KCTD18: variants seen among roughly 807,000 people sequenced by gnomAD.
The protein encoded by KCTD18 is BTB/POZ domain-containing protein KCTD18.
In KCTD18, 22 loss-of-function variants were observed where a neutral mutation model predicts 30.4. The observed-to-expected ratio is 0.72, with a 90% CI of 0.52 to 1.03. The LOEUF (loss-of-function observed/expected upper bound fraction) is 1.03. Ranked by LOEUF, KCTD18 falls within the 50% of genes least tolerant of loss-of-function variation. The pLI is 0.00. For missense variants in KCTD18, 529 were observed against 547.6 expected (o/e 0.97, Z 0.34); for synonymous variants, 186 against 209.0 (o/e 0.89, Z 0.95).
intron 6 of KCTD18, among the ~76,000 whole-genome samples, chr2:200,492,140 C>A (rs1374490573): frequency 1.3e-5 from 2 of 152,214 alleles, no homozygotes; most frequent in African/African-American, 2.4e-5. Context: ...CCATCTACAT[C>A]TTCCACCAGA....
rs146679614 is a variant in KCTD18 at position 200,506,353 on chromosome 2, C to T, written c.160+504G>A. Among the ~76,000 whole-genome samples the T allele has an allele frequency of 6.7e-3, 1,014 of 152,316 alleles. 8 individuals are homozygous for T. Among genetic ancestry groups the T allele is most frequent in the Admixed American group, 0.017 (256 of 15,306 alleles). On this transcript the variant is annotated intron_variant, in intron 2 of 6. Transcript: ENST00000359878. ...CAGTCCGCTGCCCCTTTGCCTCTGA[C>T]GGTATCACTGCACAGACTTTTTCTC...
intron 2 of KCTD18, among the ~76,000 whole-genome samples, chr2:200,505,656 G>C (rs1040040457): frequency 3.9e-5 from 6 of 152,172 alleles, no homozygotes; most frequent in African/African-American, 1.4e-4. Flanking sequence ...TCACTAAAGA[G>C]AGCATGTGGG....
At chr2:200,504,674 G>A in intron 3 of KCTD18, 74 bp downstream of exon 3, 3 of 1,016,686 alleles carry the variant, frequency 3.0e-6, no homozygotes, top group Non-Finnish European at 4.4e-6. Context: ...GAAAACACAG[G>A]CTATGCAAAA....
chr2:200,501,850 C>T lies in KCTD18; in HGVS notation c.373-2766G>A, dbSNP rs1457209173. Among the ~76,000 whole-genome samples, 6 of 150,446 alleles carry T rather than the reference C, an allele frequency of 4.0e-5. No homozygotes were observed. In the East Asian group the frequency reaches 5.8e-4, roughly 15 times the overall value. On this transcript the variant is annotated intron_variant, in intron 3 of 6. Transcript: ENST00000359878. ...GACACATGCACACGTATGTTTATTG[C>T]GGCATTATTCACAATAGCAAAGACT...
chr2:200,509,756 G>A lies in KCTD18; in HGVS notation c.-204C>T, dbSNP rs1436118574. The A allele has an allele frequency of 6.6e-6, 1 of 152,214 alleles. No individual in the cohort carries two copies. The highest frequency in any genetic ancestry group is 2.1e-4 in the South Asian group (1 of 4,834). 9.4% of individuals were successfully genotyped at this position (152,214 alleles called of 1,614,324 possible). On this transcript the variant is annotated 5_prime_UTR_variant, in exon 1 of 7. Transcript: ENST00000359878. ...CCCACTTTGAAAAACATCGCTCAAG[G>A]GGCTCACACTCCTCTTCCGAAGCGG...
rs2087871579 is a variant in KCTD18, at chr2:200,489,485, A to G, written c.*615T>C. ...TGTTTATAAATAAATCTACTAACAGAAAAGAGTAAGAAAAGCCAATCTAGG... is the reference window on the plus strand; with the variant it reads ...TGTTTATAAATAAATCTACTAACAGGAAAGAGTAAGAAAAGCCAATCTAGG... On this transcript the variant is annotated 3_prime_UTR_variant, in exon 7 of 7. Coordinates refer to ENST00000359878, the MANE Select transcript of KCTD18 (RefSeq NM_152387.4). The G allele has an allele frequency of 6.6e-6, 1 of 152,244 alleles. No homozygotes were observed. Among genetic ancestry groups the G allele is most frequent in the African/African-American group, 2.4e-5 (1 of 41,464 alleles). 9.4% of individuals were successfully genotyped at this position (152,244 alleles called of 1,614,324 possible). A position where few individuals can be genotyped will look rare whatever the true frequency, so the allele number is the denominator to read the frequency against.
chr2:200,494,009 T>C (rs1172278162), intron 5 of KCTD18, among the ~76,000 whole-genome samples: 2 of 152,268 alleles, frequency 1.3e-5, no homozygotes, highest in African/African-American at 4.8e-5. Flanking sequence ...GCCATTCAAA[T>C]TCATTTTAAT....
At position 200,506,959 on chromosome 2, in the gene KCTD18, C is replaced by T. The variant is rs769997113; in HGVS notation, c.58G>A (p.Gly20Ser). 5.0e-6 allele frequency: 8 copies of T among 1,614,000 alleles called. No individual in the cohort carries two copies. The South Asian group carries it at 8.8e-5, about 18-fold the overall frequency. The change falls in exon 2 of 7, where the codon GGC (glycine) becomes AGC (serine). Residue 20 changes from glycine (G) to serine (S), a missense_variant. Coordinates refer to ENST00000359878, the MANE Select transcript of KCTD18 (RefSeq NM_152387.4). ...VLDVLRLNVG[G>S]CIYTARRESL... is the part of the protein sequence containing the mutation. ...TCCCGCCGGGCTGTGTAAATACAGC[C>T]ACCCACGTTCAGTCGGAGAACATCT... is the stretch of plus-strand genomic sequence containing the variant.
chr2:200,489,932 A>G lies in KCTD18; in HGVS notation c.*168T>C, dbSNP rs145315071. 6.8e-4 allele frequency: 447 copies of G among 660,414 alleles called. No homozygotes were observed. The highest frequency in any genetic ancestry group is 9.4e-4 in the Non-Finnish European group (386 of 411,052). The allele number at this position is 660,414 out of a possible 1,614,324, so 40.9% of individuals were successfully genotyped here. ...GAAAATGAGAAATGGAGCCTTAACCATTGAAAGTCTCCCCTCCTCCATTCC... is the reference window on the plus strand; with the variant it reads ...GAAAATGAGAAATGGAGCCTTAACCGTTGAAAGTCTCCCCTCCTCCATTCC... On this transcript the variant is annotated 3_prime_UTR_variant, in exon 7 of 7. Transcript: ENST00000359878.
intron 5 of KCTD18, 104 bp downstream of exon 5, chr2:200,497,649 T>C (rs2088015770): frequency 1.2e-6 from 1 of 811,204 alleles, no homozygotes; most frequent in Non-Finnish European, 2.1e-6. Flanking sequence ...ATTGTAAGAC[T>C]CAAAAGAATA....
chr2:200,504,638 TA>T, intron 3 of KCTD18, 109 bp downstream of exon 3: 1 of 835,880 alleles, frequency 1.2e-6, no homozygotes. Context: ...TCAAAATGCA[TA>T]AAAACTATCT....
chr2:200,500,510 A>C (rs906403372), intron 3 of KCTD18, among the ~76,000 whole-genome samples: 1 of 151,920 alleles, frequency 6.6e-6, no homozygotes, highest in African/African-American at 2.4e-5. Flanking sequence ...GAGCCAAATC[A>C]TGAGTGAACT....
At chr2:200,504,613 T>C (rs2106284145) in intron 3 of KCTD18, 135 bp downstream of exon 3, 1 of 692,808 alleles carries the variant, frequency 1.4e-6, no homozygotes, top group East Asian at 2.8e-5. Flanking sequence ...GAAGTAGTAG[T>C]AAAGAAACAT....
At chr2:200,504,538 A>C (rs1382236249) in intron 3 of KCTD18, among the ~76,000 whole-genome samples, 2 of 152,130 alleles carry the variant, frequency 1.3e-5, no homozygotes, top group African/African-American at 4.8e-5. Context: ...TTCAGTGAGC[A>C]ATATAAACTC....
chr2:200,490,256 C>T lies in KCTD18; in HGVS notation c.1125G>A (p.Arg375=), dbSNP rs756738953. Residue 375 remains arginine (R), a synonymous_variant, in exon 7 of 7, where the codon CGG becomes CGA. Coordinates refer to ENST00000359878, the MANE Select transcript of KCTD18 (RefSeq NM_152387.4). ...GCGGAGTCCTCTTCAGCTTTATCACCCGCTGGGGTGTAGGCTTCTTGTCGG... is the reference window on the plus strand; with the variant it reads ...GCGGAGTCCTCTTCAGCTTTATCACTCGCTGGGGTGTAGGCTTCTTGTCGG... ...LLSDKKPTPQ[R]VIKLKRTPLC... 5 of 1,614,250 alleles carry T rather than the reference C, an allele frequency of 3.1e-6. No homozygotes were observed. In the South Asian group the frequency reaches 3.3e-5, roughly 11 times the overall value.
chr2:200,501,060 G>T (rs185940679), intron 3 of KCTD18, among the ~76,000 whole-genome samples: 2,819 of 152,066 alleles, frequency 0.019, 46 homozygotes, highest in South Asian at 0.038. Context: ...AATAAATGGT[G>T]CTGGGAAAAC....
chr2:200,498,729 T>C (rs2088036072), intron 4 of KCTD18, among the ~76,000 whole-genome samples, 162 bp downstream of exon 4: 1 of 152,242 alleles, frequency 6.6e-6, no homozygotes, highest in South Asian at 2.1e-4. Context: ...TTAATTATAA[T>C]TTCCTCATGA....
At chr2:200,491,752 G>A (rs989875208) in intron 6 of KCTD18, among the ~76,000 whole-genome samples, 1 of 152,076 alleles carries the variant, frequency 6.6e-6, no homozygotes, top group Admixed American at 6.5e-5. Context: ...CACTTCCTGA[G>A]GACCACCCCA....
chr2:200,507,830 TTTTAA>T (rs1303077323), intron 1 of KCTD18, among the ~76,000 whole-genome samples: 3 of 152,234 alleles, frequency 2.0e-5, no homozygotes, highest in Admixed American at 6.5e-5. Context: ...ATAATTCTTC[TTTTAA>T]TTTTTTTAAA....
Sources: gnomAD v4.1 joint callset for allele counts (sites outside exome capture counted in the v4.1 genomes callset) on GRCh38, gnomAD v4.1.1 for gene constraint, MANE v1.5 for transcripts, NCBI Gene and HGNC (gene_info 2026-07-23, HGNC 2026-07-21) for gene names.